Variants in CDK11A observed in about 807,000 individuals in gnomAD.
The protein encoded by CDK11A is cyclin-dependent kinase 11A.
In CDK11A, 55 loss-of-function variants were observed where a neutral mutation model predicts 83.6. The ratio of observed to expected loss-of-function variants is 0.66; its 90% CI spans 0.53 to 0.82. CDK11A has a LOEUF of 0.82. CDK11A is among the 40% of genes least tolerant of loss of function. The pLI is 0.00. For synonymous variants in CDK11A, 247 were observed against 302.7 expected, an observed-to-expected ratio of 0.82 and a Z score of 1.91; for missense variants, 564 against 810.1, an observed-to-expected ratio of 0.70 and a Z score of 3.69.
At chr1:1,720,672 C>T (rs1644871868) in intron 3 of CDK11A, among the ~76,000 whole-genome samples, 1 of 146,272 alleles carries the variant, frequency 6.8e-6, no homozygotes, top group South Asian at 2.2e-4. Flanking sequence ...GCTGGGATTA[C>T]AGGCATGAGC....
intron 4 of CDK11A, among the ~76,000 whole-genome samples, chr1:1,716,900 G>GTTA (rs1553176904): frequency 1.7e-5 from 2 of 117,386 alleles, no homozygotes; most frequent in Non-Finnish European, 3.2e-5. Flanking sequence ...TTTAAATAAT[G>GTTA]ATGTTAAGTA....
chr1:1,705,165 G>A (rs1196276635), intron 12 of CDK11A, 140 bp from the exon 13 acceptor site: 5 of 1,295,360 alleles, frequency 3.9e-6, no homozygotes, highest in African/African-American at 2.7e-5. Context: ...GTGGGGGCAC[G>A]TGGGCACCAG....
intron 4 of CDK11A, among the ~76,000 whole-genome samples, chr1:1,718,737 T>C (rs184196567): frequency 1.3e-5 from 2 of 149,612 alleles, no homozygotes; most frequent in East Asian, 4.0e-4. Context: ...CCCAGGTTCA[T>C]GCCATTCTCC....
At chr1:1,706,358 C>A (rs1160577496) in intron 11 of CDK11A, among the ~76,000 whole-genome samples, 1 of 151,370 alleles carries the variant, frequency 6.6e-6, no homozygotes, top group African/African-American at 2.4e-5. Flanking sequence ...CAGGCGTGAG[C>A]CACTGTGCCT....
At chr1:1,722,940 T>A (rs1644960889) in intron 1 of CDK11A, 109 bp from the exon 2 acceptor site, 1 of 402,142 alleles carries the variant, frequency 2.5e-6, no homozygotes, top group Non-Finnish European at 4.1e-6. Flanking sequence ...TCATTAAGAA[T>A]AAGAAGTTGT....
rs376689311 is a variant in CDK11A, at chr1:1,708,173, T to C, written c.1069+7A>G. The stretch of plus-strand genomic sequence containing the variant: ...GGAGGGGGCTCTGTCTCCAGGGAGG[T>C]TCTTACCAACCAAGAGGTGGTTTTC... On this transcript the variant is annotated splice_region_variant and intron_variant, in intron 10 of 19. Transcript: ENST00000404249. 21,886 of 1,523,270 alleles carry C rather than the reference T, an allele frequency of 0.014. 1,476 individuals carry two copies. The African/African-American group carries it at 0.23, about 16-fold the overall frequency. 94.4% of individuals were successfully genotyped at this position (1,523,270 alleles called of 1,614,324 possible).
chr1:1,707,417 C>G lies in CDK11A; in HGVS notation c.1237G>C (p.Ala413Pro). The change falls in exon 11 of 20, where the codon GCC (alanine) becomes CCC (proline). Residue 413 changes from alanine (A) to proline (P), a missense_variant. Around this residue, in one of 5 missense-constraint regions of CDK11A, gnomAD observed 361 missense variants for 402.7 expected, o/e 0.90. Transcript: ENST00000404249. ...LKQELPKYLP[A>P]LQGCRSVEEF... ...CGAGGGGAGGGCCTGACCTGCAGGG[C>G]CGGCAGGTACTTGGGCAGCTCCTGC... is the stretch of plus-strand genomic sequence containing the variant. 6.2e-6 allele frequency: 10 copies of G among 1,607,838 alleles called. 1 individual carries two copies. Among genetic ancestry groups the G allele is most frequent in the Non-Finnish European group, 6.8e-6 (8 of 1,176,082 alleles).
Position 1,704,211 on chromosome 1 carries a change from A to G in CDK11A, c.1686+12T>C, listed in dbSNP as rs770800359. The G allele has an allele frequency of 2.5e-6, 4 of 1,607,928 alleles. 1 individual carries two copies. The highest frequency in any genetic ancestry group is 3.4e-6 in the Non-Finnish European group (4 of 1,176,626). ...GGTCACCCTGGGATGGGCCACTCGG[A>G]GGGGGGCTCACCTTGAGGATGCCGG... is the stretch of plus-strand genomic sequence containing the variant. On this transcript the variant is annotated intron_variant, in intron 15 of 19. Coordinates refer to ENST00000404249, the MANE Select transcript of CDK11A (RefSeq NM_024011.4).
At chr1:1,714,932 G>T (rs61776850) in intron 5 of CDK11A, among the ~76,000 whole-genome samples, 72,421 of 148,998 alleles carry the variant, frequency 0.49, 19,191 homozygotes, top group Middle Eastern at 0.56. Flanking sequence ...CAGACCTCTT[G>T]GCCTTTTCCT....
At chr1:1,718,882 C>T (rs911880159) in intron 4 of CDK11A, among the ~76,000 whole-genome samples, 14 of 150,282 alleles carry the variant, frequency 9.3e-5, no homozygotes, top group South Asian at 6.3e-4. Context: ...GTGATCCACC[C>T]GCCTCAGCCT....
In CDK11A at chr1:1,720,958, C is replaced by T. The variant is rs562820693; in HGVS notation, c.227+638G>A. Among the ~76,000 whole-genome samples, 4 of 150,048 alleles carry T rather than the reference C, an allele frequency of 2.7e-5. No homozygotes were observed. In the East Asian group the frequency reaches 6.0e-4, roughly 22 times the overall value. On this transcript the variant is annotated intron_variant, in intron 3 of 19. Transcript: ENST00000404249. ...ATGCCCTGTCACAGTAATCCTAGGT[C>T]GTGGCTCGCACCTGTAATCCCAGCA...
chr1:1,717,002 A>C (rs1403470831), intron 4 of CDK11A, among the ~76,000 whole-genome samples: 1 of 145,748 alleles, frequency 6.9e-6, no homozygotes, highest in Non-Finnish European at 1.5e-5. Context: ...GTGATCCTCC[A>C]TCCTTGTCCT....
intron 9 of CDK11A, 45 bp from the exon 10 acceptor site, chr1:1,708,290 G>C: frequency 7.0e-7 from 1 of 1,434,182 alleles, no homozygotes; most frequent in Non-Finnish European, 9.3e-7. Context: ...ACCGGGGCGA[G>C]TGCTGCCACA....
chr1:1,724,307 G>A lies in CDK11A; in HGVS notation c.-63C>T, dbSNP rs1002949405. ...TGAGCCTGAGAAGAAACAGCAACCG[G>A]CGCTCGCCAGAAGTATCCTCACTTC... On this transcript the variant is annotated 5_prime_UTR_variant, in exon 1 of 20. Transcript: ENST00000404249. The A allele has an allele frequency of 6.6e-5, 10 of 151,758 alleles. 1 individual carries two copies. The highest frequency in any genetic ancestry group is 3.4e-3 in the Middle Eastern group (1 of 292). The allele number at this position is 151,758 out of a possible 1,614,324, so 9.4% of individuals were successfully genotyped here. A position where few individuals can be genotyped will look rare whatever the true frequency, so the allele number is the denominator to read the frequency against.
intron 3 of CDK11A, among the ~76,000 whole-genome samples, 179 bp from the exon 4 acceptor site, chr1:1,719,634 T>A (rs1280614848): frequency 3.2e-3 from 35 of 11,110 alleles, no homozygotes; most frequent in African/African-American, 4.5e-3. Flanking sequence ...TTTTTTTTTT[T>A]AGACGGAGTC....
intron 2 of CDK11A, chr1:1,722,485 T>C: frequency 1.6e-6 from 1 of 615,318 alleles, no homozygotes; most frequent in Non-Finnish European, 2.9e-6. Flanking sequence ...GACTTAACAT[T>C]CAACGTATTT....
chr1:1,706,552 A>C (rs1303304845), intron 11 of CDK11A, among the ~76,000 whole-genome samples: 1 of 151,246 alleles, frequency 6.6e-6, no homozygotes, highest in Admixed American at 6.6e-5. Context: ...CAGTCTCCAA[A>C]AAAAAGGCCA....
chr1:1,710,422 G>A (rs1348055594), intron 6 of CDK11A, among the ~76,000 whole-genome samples: 3 of 72,148 alleles, frequency 4.2e-5, no homozygotes, highest in Non-Finnish European at 6.8e-5. Context: ...GCTCAGAAAA[G>A]ACCCGTGAAG....
At chr1:1,714,531 T>C (rs1444900990) in intron 5 of CDK11A, among the ~76,000 whole-genome samples, 1 of 45,172 alleles carries the variant, frequency 2.2e-5, no homozygotes, top group East Asian at 5.3e-4. Context: ...CCAAGGCCTG[T>C]CTGGTTGTCC....
Sources: allele counts gnomAD v4.1 joint callset (sites outside exome capture counted in the v4.1 genomes callset), GRCh38; gene constraint gnomAD v4.1.1; regional missense constraint gnomAD v4.1.1; transcripts MANE v1.5; gene names NCBI Gene and HGNC (gene_info 2026-07-23, HGNC 2026-07-21).